The following C1GALT1 variants were observed in gnomAD, a reference collection of about 807,000 sequenced individuals.
C1GALT1 encodes core 1 synthase, glycoprotein-N-acetylgalactosamine 3-beta-galactosyltransferase 1, also known as glycoprotein-N-acetylgalactosamine 3-beta-galactosyltransferase 1.
C1GALT1 carries 11 observed loss-of-function variants against 31.0 expected under a neutral mutation model. The observed-to-expected ratio is 0.36, with a 90% CI of 0.22 to 0.59. The LOEUF (loss-of-function observed/expected upper bound fraction) is 0.59, where lower values mean the gene tolerates loss of function less well. Ranked by LOEUF, C1GALT1 falls within the 20% of genes least tolerant of loss-of-function variation. The pLI is 0.79. For missense variants in C1GALT1, 424 were observed against 425.2 expected, an observed-to-expected ratio of 1.00 and a Z score of 0.03; for synonymous variants, 175 against 143.6, an observed-to-expected ratio of 1.22 and a Z score of -1.56.
At position 7,247,002 on chromosome 7, in the gene C1GALT1, A is replaced by T. The variant is rs962579327; in HGVS notation, c.*3275A>T. 2 of 152,172 alleles carry T rather than the reference A, an allele frequency of 1.3e-5. No homozygotes were observed. Among genetic ancestry groups the T allele is most frequent in the African/African-American group, 4.8e-5 (2 of 41,436 alleles). The allele number at this position is 152,172 out of a possible 1,614,324, so 9.4% of individuals were successfully genotyped here. A position where few individuals can be genotyped will look rare whatever the true frequency, so the allele number is the denominator to read the frequency against. On this transcript the variant is annotated 3_prime_UTR_variant, in exon 4 of 4. Coordinates refer to ENST00000436587, the MANE Select transcript of C1GALT1 (RefSeq NM_020156.5). ...AATTCTCCAAGTTTAGTAATTTTAT[A>T]TTGAGGCAGGAAGGGCTCATTAAGT...
At chr7:7,198,432 T>C (rs1186358367) in intron 1 of C1GALT1, among the ~76,000 whole-genome samples, 1 of 152,238 alleles carries the variant, frequency 6.6e-6, no homozygotes, top group Non-Finnish European at 1.5e-5. Flanking sequence ...GGATTCAGTT[T>C]GGCAGTATTT....
intron 1 of C1GALT1, among the ~76,000 whole-genome samples, chr7:7,224,864 TTTAAGTGTA>T (rs1312778033): frequency 6.6e-6 from 1 of 151,958 alleles, no homozygotes; most frequent in African/African-American, 2.4e-5. Context: ...GCATAGTGTA[TTTAAGTGTA>T]TTAAGTGTAT....
chr7:7,163,024 C>T (rs1462411021), intron 2 of C1GALT1, among the ~76,000 whole-genome samples: 1 of 152,114 alleles, frequency 6.6e-6, no homozygotes, highest in Non-Finnish European at 1.5e-5. Context: ...AGCCCTTTGT[C>T]AGATGAGTAG....
At chr7:7,222,661 A>G (rs1299224313) in intron 1 of C1GALT1, among the ~76,000 whole-genome samples, 1 of 152,218 alleles carries the variant, frequency 6.6e-6, no homozygotes, top group Non-Finnish European at 1.5e-5. Flanking sequence ...TGGAAATTTG[A>G]TTACAGACTG....
intron 1 of C1GALT1, among the ~76,000 whole-genome samples, chr7:7,186,278 A>G (rs1051052474): frequency 6.6e-6 from 1 of 152,218 alleles, no homozygotes; most frequent in Non-Finnish European, 1.5e-5. Flanking sequence ...GTGGTGATTA[A>G]GGTTCAACAT....
intron 1 of C1GALT1, among the ~76,000 whole-genome samples, chr7:7,230,955 A>G (rs1436103010): frequency 6.6e-6 from 1 of 152,154 alleles, no homozygotes; most frequent in African/African-American, 2.4e-5. Context: ...TTACTTACAT[A>G]CATACCCTTT....
chr7:7,203,927 T>C (rs1043729532), intron 1 of C1GALT1, among the ~76,000 whole-genome samples: 3 of 152,024 alleles, frequency 2.0e-5, no homozygotes, highest in Non-Finnish European at 4.4e-5. Context: ...CTATTATCAT[T>C]AGCTGTAATT....
At chr7:7,179,859 C>CA (rs34406199), upstream of C1GALT1, among the ~76,000 whole-genome samples, 40,047 of 95,790 alleles carry the variant, frequency 0.42, 6,298 homozygotes, top group East Asian at 0.6. Context: ...GTTTCAGGTT[C>CA]AAAAAAAAAA....
At chr7:7,177,055 C>G (rs1780512199) in intron 2 of C1GALT1, among the ~76,000 whole-genome samples, 2 of 152,160 alleles carry the variant, frequency 1.3e-5, no homozygotes, top group African/African-American at 4.8e-5. Context: ...TCCACAACAA[C>G]AAACAGTCTG....
intron 2 of C1GALT1, among the ~76,000 whole-genome samples, chr7:7,171,450 A>G (rs551490302): frequency 2.6e-5 from 4 of 152,090 alleles, no homozygotes; most frequent in South Asian, 4.1e-4. Context: ...TACTATTTGG[A>G]TGTAATATCT....
intron 2 of C1GALT1, among the ~76,000 whole-genome samples, chr7:7,165,343 T>C (rs967317283): frequency 6.6e-6 from 1 of 152,198 alleles, no homozygotes; most frequent in African/African-American, 2.4e-5. Context: ...TGACTATTTT[T>C]CCATTGCTTC....
At chr7:7,215,251 T>C (rs1321863967) in intron 1 of C1GALT1, among the ~76,000 whole-genome samples, 3 of 152,156 alleles carry the variant, frequency 2.0e-5, no homozygotes, top group Admixed American at 2.0e-4. Flanking sequence ...TACCCTTTCT[T>C]TGACAGAACC....
At chr7:7,164,010 T>A (rs184638836) in intron 2 of C1GALT1, among the ~76,000 whole-genome samples, 109 of 152,196 alleles carry the variant, frequency 7.2e-4, no homozygotes, top group Non-Finnish European at 5.7e-4. Context: ...CATCGCCAAG[T>A]CAATCCTAAG....
chr7:7,245,885 G>A lies in C1GALT1; in HGVS notation c.*2158G>A, dbSNP rs1783825730. 1 of 152,094 alleles carries A rather than the reference G, an allele frequency of 6.6e-6. No individual in the cohort carries two copies. The highest frequency in any genetic ancestry group is 2.4e-5 in the African/African-American group (1 of 41,408). 9.4% of individuals were successfully genotyped at this position (152,094 alleles called of 1,614,324 possible). ...AACCTTGAGCAATTTTAATCTCTCT[G>A]TGTCTCAATTTCCTCATCTTTTAAT... On this transcript the variant is annotated 3_prime_UTR_variant, in exon 4 of 4. Coordinates refer to ENST00000436587, the MANE Select transcript of C1GALT1 (RefSeq NM_020156.5).
At chr7:7,206,600 C>T (rs1462282252) in intron 1 of C1GALT1, among the ~76,000 whole-genome samples, 1 of 151,236 alleles carries the variant, frequency 6.6e-6, no homozygotes, top group African/African-American at 2.4e-5. Flanking sequence ...CGCTTGAAAC[C>T]AGGAGGCGGT....
intron 1 of C1GALT1, among the ~76,000 whole-genome samples, chr7:7,184,394 T>C (rs1325452049): frequency 6.6e-6 from 1 of 152,222 alleles, no homozygotes; most frequent in African/African-American, 2.4e-5. Context: ...TTTAGAAATA[T>C]TTTGTGTTTC....
At chr7:7,217,541 G>C (rs939966728) in intron 1 of C1GALT1, among the ~76,000 whole-genome samples, 2 of 152,182 alleles carry the variant, frequency 1.3e-5, no homozygotes, top group Non-Finnish European at 2.9e-5. Flanking sequence ...TGCTTTATTC[G>C]CTGATGGATT....
chr7:7,198,236 G>A (rs1048360332), intron 1 of C1GALT1, among the ~76,000 whole-genome samples: 1 of 152,292 alleles, frequency 6.6e-6, no homozygotes, highest in African/African-American at 2.4e-5. Context: ...AGAGTTTTTA[G>A]CATGAAGGGC....
intron 1 of C1GALT1, among the ~76,000 whole-genome samples, chr7:7,198,218 A>G (rs111471763): frequency 6.6e-6 from 1 of 152,144 alleles, no homozygotes; most frequent in Non-Finnish European, 1.5e-5. Flanking sequence ...TCAATACCTA[A>G]TTTATTGAGA....
Sources: allele counts gnomAD v4.1 joint callset (sites outside exome capture counted in the v4.1 genomes callset), GRCh38; gene constraint gnomAD v4.1.1; transcripts MANE v1.5; gene names NCBI Gene and HGNC (gene_info 2026-07-23, HGNC 2026-07-21).